The following STXBP5L variants were observed in gnomAD, a reference collection of about 807,000 sequenced individuals.
STXBP5L encodes syntaxin-binding protein 5-like.
Under a neutral mutation model 144.5 loss-of-function variants are expected in STXBP5L, and 65 were observed. The ratio of observed to expected loss-of-function variants is 0.45; its 90% confidence interval spans 0.37 to 0.55. The LOEUF is 0.55. STXBP5L is among the 20% of genes least tolerant of loss of function. The probability of loss-of-function intolerance (pLI) is 0.00; values close to 1 mark genes in which losing one functional copy is unlikely to be tolerated. For missense variants in STXBP5L, 1,298 were observed against 1,405.5 expected (o/e 0.92, Z 1.22); for synonymous variants, 505 against 469.6 (o/e 1.08, Z -0.97).
intron 5 of STXBP5L, among the ~76,000 whole-genome samples, chr3:121,052,146 C>G (rs547664915): frequency 6.6e-6 from 1 of 152,046 alleles, no homozygotes; most frequent in Non-Finnish European, 1.5e-5. Context: ...GAATTCTACC[C>G]GAGGTACAAG....
chr3:121,176,490 CAA>C (rs35855500), intron 9 of STXBP5L, among the ~76,000 whole-genome samples: 23 of 70,126 alleles, frequency 3.3e-4, no homozygotes, highest in East Asian at 1.5e-3. Context: ...CCAAACTGGC[CAA>C]AAAAAAAAAA....
chr3:121,412,155 G>A (rs2047127463), intron 23 of STXBP5L, among the ~76,000 whole-genome samples: 1 of 152,126 alleles, frequency 6.6e-6, no homozygotes, highest in Non-Finnish European at 1.5e-5. Context: ...TGACTCCAGA[G>A]TCCTGTCTTA....
chr3:121,107,829 G>A (rs1039506277), intron 5 of STXBP5L, among the ~76,000 whole-genome samples: 4 of 152,046 alleles, frequency 2.6e-5, no homozygotes, highest in Admixed American at 1.3e-4. Context: ...CAATATTGAT[G>A]CTTCCTGCCC....
intron 7 of STXBP5L, among the ~76,000 whole-genome samples, chr3:121,130,711 T>G: frequency 6.6e-6 from 1 of 152,254 alleles, no homozygotes; most frequent in South Asian, 2.1e-4. Context: ...GTATACTGTA[T>G]TATGCATTTC....
intron 7 of STXBP5L, among the ~76,000 whole-genome samples, chr3:121,130,184 C>T (rs760781375): frequency 2.6e-5 from 4 of 152,060 alleles, no homozygotes; most frequent in Non-Finnish European, 5.9e-5. Flanking sequence ...TCTGATAAAA[C>T]TTAATGCACC....
chr3:121,341,286 A>G (rs1021661234), intron 20 of STXBP5L, among the ~76,000 whole-genome samples: 4 of 152,200 alleles, frequency 2.6e-5, no homozygotes, highest in Admixed American at 1.3e-4. Context: ...GGTGCTCGAC[A>G]TCCTTGATCT....
intron 5 of STXBP5L, among the ~76,000 whole-genome samples, chr3:121,050,623 CA>C (rs1947897626): frequency 6.6e-6 from 1 of 152,088 alleles, no homozygotes; most frequent in African/African-American, 2.4e-5. Flanking sequence ...CCAGCCACTG[CA>C]AAAATATGCC....
chr3:121,206,530 C>G (rs1174285368), intron 10 of STXBP5L, among the ~76,000 whole-genome samples: 1 of 152,128 alleles, frequency 6.6e-6, no homozygotes, highest in Non-Finnish European at 1.5e-5. Flanking sequence ...CTATATCCGG[C>G]TGGGTGCCCT....
chr3:120,957,288 A>G (rs1938139077), intron 3 of STXBP5L, among the ~76,000 whole-genome samples: 1 of 152,040 alleles, frequency 6.6e-6, no homozygotes, highest in South Asian at 2.1e-4. Context: ...GCACTTATTG[A>G]AATGATCGGA....
At chr3:121,173,096 A>G (rs2046791890) in intron 9 of STXBP5L, among the ~76,000 whole-genome samples, 1 of 152,026 alleles carries the variant, frequency 6.6e-6, no homozygotes, top group Non-Finnish European at 1.5e-5. Context: ...CAAACACCGC[A>G]TGTTCTCACT....
chr3:121,037,145 C>T (rs1309337703), intron 3 of STXBP5L, among the ~76,000 whole-genome samples: 1 of 151,678 alleles, frequency 6.6e-6, no homozygotes, highest in South Asian at 2.1e-4. Context: ...GTTGGCCAGG[C>T]TTGTCTTGAA....
intron 5 of STXBP5L, among the ~76,000 whole-genome samples, chr3:121,066,133 A>G (rs1417865090): frequency 1.3e-5 from 2 of 152,184 alleles, no homozygotes; most frequent in Non-Finnish European, 2.9e-5. Flanking sequence ...AAGGGCAAGA[A>G]TACTATGAGG....
intron 2 of STXBP5L, among the ~76,000 whole-genome samples, chr3:120,914,940 C>G (rs758417437): frequency 7.2e-5 from 11 of 151,954 alleles, no homozygotes; most frequent in Non-Finnish European, 1.5e-4. Context: ...CTTTGCTTAT[C>G]CTGAGAGCAT....
At chr3:120,961,839 G>A (rs906879494) in intron 3 of STXBP5L, among the ~76,000 whole-genome samples, 1 of 152,188 alleles carries the variant, frequency 6.6e-6, no homozygotes, top group African/African-American at 2.4e-5. Flanking sequence ...GATCCTTGAG[G>A]AATCGCCACA....
At chr3:120,945,830 GA>G (rs1176689336) in intron 2 of STXBP5L, among the ~76,000 whole-genome samples, 1 of 151,702 alleles carries the variant, frequency 6.6e-6, no homozygotes, top group Admixed American at 6.6e-5. Context: ...TAGCAGTACT[GA>G]AAAAAGAATT....
intron 20 of STXBP5L, among the ~76,000 whole-genome samples, chr3:121,342,316 A>C (rs927087528): frequency 1.3e-5 from 2 of 152,164 alleles, no homozygotes; most frequent in Non-Finnish European, 2.9e-5. Flanking sequence ...AGGGGCTGGC[A>C]CATAACATTA....
chr3:121,358,431 G>T (rs1280214734), intron 20 of STXBP5L, among the ~76,000 whole-genome samples: 1 of 152,156 alleles, frequency 6.6e-6, no homozygotes, highest in East Asian at 1.9e-4. Flanking sequence ...ACAGTGAAGG[G>T]GAAGCGAGGC....
chr3:121,076,773 G>C (rs2042036055), intron 5 of STXBP5L, among the ~76,000 whole-genome samples: 1 of 152,100 alleles, frequency 6.6e-6, no homozygotes, highest in Non-Finnish European at 1.5e-5. Context: ...AAGTTTTTCA[G>C]CATGCACTCC....
intron 2 of STXBP5L, among the ~76,000 whole-genome samples, chr3:120,938,816 T>C (rs1399067430): frequency 3.3e-5 from 5 of 152,206 alleles, no homozygotes; most frequent in African/African-American, 4.8e-5. Context: ...AGGCTTGCTC[T>C]GTTGCCCAGG....
Sources: gnomAD v4.1 joint callset for allele counts (sites outside exome capture counted in the v4.1 genomes callset) on GRCh38, gnomAD v4.1.1 for gene constraint, MANE v1.5 for transcripts, NCBI Gene and HGNC (gene_info 2026-07-23, HGNC 2026-07-21) for gene names.